Variants in TMEM132D observed in about 807,000 individuals in gnomAD.
TMEM132D encodes the protein transmembrane protein 132D, also known as mature OL transmembrane protein.
In TMEM132D, 21 loss-of-function variants were observed where a neutral mutation model predicts 62.3. The ratio of observed to expected loss-of-function variants is 0.34; its 90% CI spans 0.24 to 0.49. The LOEUF is 0.49. Among genes scored for constraint, TMEM132D ranks in the 20% least tolerant of loss-of-function variants. TMEM132D has a pLI of 0.99. For synonymous variants in TMEM132D, 621 were observed against 575.6 expected (o/e 1.08, Z -1.13); for missense variants, 1,346 against 1,402.8 (o/e 0.96, Z 0.65).
At chr12:129,144,249 A>T (rs1876827480) in intron 5 of TMEM132D, among the ~76,000 whole-genome samples, 1 of 152,068 alleles carries the variant, frequency 6.6e-6, no homozygotes, top group Non-Finnish European at 1.5e-5. Flanking sequence ...TGTGCTTGTC[A>T]CTCTGTGGTA....
rs114562196 is a variant in TMEM132D, at chr12:129,595,293, C to T, written c.969-64088G>A. On this transcript the variant is annotated intron_variant, in intron 2 of 8. Transcript: ENST00000422113. ...GTGGGAGGAACACAGATAGTGCATA[C>T]GTAGACAAGATGATTTGAAGAAATA... 5.3e-3 allele frequency among the ~76,000 whole-genome samples: 804 copies of T among 152,218 alleles called. 6 individuals carry two copies. Among genetic ancestry groups the T allele is most frequent in the African/African-American group, 0.018 (749 of 41,532 alleles).
rs1449972377 is a variant in TMEM132D, at chr12:129,244,365, G to T, written c.1300-34702C>A. ...CGCGCCACTGCACTCCAGCCTGGGC[G>T]ACAGAGCGAGACTCTGTCTCAAAAA... On this transcript the variant is annotated intron_variant, in intron 4 of 8. Coordinates refer to ENST00000422113, the MANE Select transcript of TMEM132D (RefSeq NM_133448.3). 1.6e-5 allele frequency among the ~76,000 whole-genome samples: 2 copies of T among 128,974 alleles called. 1 individual carries two copies. The highest frequency in any genetic ancestry group is 1.7e-4 in the Admixed American group (2 of 11,628). 84.6% of individuals were successfully genotyped at this position (128,974 alleles called of 152,430 possible). A position where few individuals can be genotyped will look rare whatever the true frequency, so the allele number is the denominator to read the frequency against.
chr12:129,524,485 T>C (rs1875951594), intron 3 of TMEM132D, among the ~76,000 whole-genome samples: 2 of 152,180 alleles, frequency 1.3e-5, no homozygotes, highest in African/African-American at 2.4e-5. Context: ...AATTGCTGCA[T>C]AAAATTTATT....
intron 4 of TMEM132D, among the ~76,000 whole-genome samples, chr12:129,289,670 T>C (rs951958421): frequency 2.6e-5 from 4 of 151,696 alleles, no homozygotes; most frequent in African/African-American, 9.7e-5. Flanking sequence ...CACAAAAAAA[T>C]TAACCAAACT....
chr12:129,795,355 T>C (rs1871532761), intron 1 of TMEM132D, among the ~76,000 whole-genome samples: 1 of 152,188 alleles, frequency 6.6e-6, no homozygotes, highest in South Asian at 2.1e-4. Flanking sequence ...AGCTGCATCT[T>C]CTCACCTGGG....
rs547044786 is a variant in TMEM132D, at chr12:129,556,349, G to A, written c.969-25144C>T. ...CCCACCTGACACCTGGATCGGCACC[G>A]AGCAGAGGCAGGTCCCGAAGACTCT... On this transcript the variant is annotated intron_variant, in intron 2 of 8. Transcript: ENST00000422113. 6.6e-5 allele frequency among the ~76,000 whole-genome samples: 10 copies of A among 152,234 alleles called. No homozygotes were observed. The East Asian group carries it at 9.7e-4, about 15-fold the overall frequency.
At chr12:129,370,173 A>T (rs1344865523) in intron 3 of TMEM132D, among the ~76,000 whole-genome samples, 3 of 152,218 alleles carry the variant, frequency 2.0e-5, no homozygotes, top group African/African-American at 7.2e-5. Context: ...AAATTTTCTT[A>T]AAAACACCAT....
intron 2 of TMEM132D, among the ~76,000 whole-genome samples, chr12:129,667,214 G>A (rs1398696092): frequency 6.6e-6 from 1 of 152,026 alleles, no homozygotes; most frequent in Non-Finnish European, 1.5e-5. Flanking sequence ...CTTACCTTAC[G>A]GTCAAACTAA....
intron 3 of TMEM132D, among the ~76,000 whole-genome samples, chr12:129,525,073 C>A (rs1457195551): frequency 6.7e-6 from 1 of 149,106 alleles, no homozygotes; most frequent in Non-Finnish European, 1.5e-5. Context: ...CTACAGGCGC[C>A]CGCCACCACA....
intron 1 of TMEM132D, among the ~76,000 whole-genome samples, chr12:129,873,433 C>T (rs892570750): frequency 1.3e-5 from 2 of 152,106 alleles, no homozygotes; most frequent in Non-Finnish European, 1.5e-5. Context: ...ACCAGACTGC[C>T]GTCGCCTACA....
At chr12:129,359,310 G>T (rs1371100929) in intron 3 of TMEM132D, among the ~76,000 whole-genome samples, 1 of 152,080 alleles carries the variant, frequency 6.6e-6, no homozygotes, top group Non-Finnish European at 1.5e-5. Context: ...TTCTGTTTGG[G>T]GTAATGAAAA....
chr12:129,142,474 T>G (rs1227001097), intron 5 of TMEM132D, among the ~76,000 whole-genome samples: 1 of 152,242 alleles, frequency 6.6e-6, no homozygotes, highest in African/African-American at 2.4e-5. Flanking sequence ...GTGTGTTCTG[T>G]CTGCTTGTTA....
In TMEM132D at chr12:129,899,328, GATGGA is replaced by G. The variant is rs964634193; in HGVS notation, c.79+3928_79+3932del. 1.0e-4 allele frequency among the ~76,000 whole-genome samples: 14 copies of G among 134,960 alleles called. 2 individuals are homozygous for G. Among genetic ancestry groups the G allele is most frequent in the Non-Finnish European group, 1.6e-4 (10 of 63,692 alleles). The allele number at this position is 134,960 out of a possible 152,430, so 88.5% of individuals were successfully genotyped here. On this transcript the variant is annotated intron_variant, in intron 1 of 8. Transcript: ENST00000422113. ...GCATGGATGGATGGATGGATGGATG[GATGGA>G]TGGATGGATGATGGATGGAGGGATG... is the stretch of plus-strand genomic sequence containing the variant.
chr12:129,789,549 T>C (rs1251001049), intron 1 of TMEM132D, among the ~76,000 whole-genome samples: 1 of 152,234 alleles, frequency 6.6e-6, no homozygotes, highest in Admixed American at 6.5e-5. Flanking sequence ...ACTACTCAGC[T>C]ATAAATGAAG....
intron 2 of TMEM132D, among the ~76,000 whole-genome samples, chr12:129,590,854 G>T (rs890693760): frequency 6.6e-6 from 1 of 152,212 alleles, no homozygotes; most frequent in East Asian, 1.9e-4. Flanking sequence ...CCCTTGTCAT[G>T]GTCCAATTTG....
intron 3 of TMEM132D, among the ~76,000 whole-genome samples, chr12:129,528,242 C>T (rs1268423594): frequency 6.6e-6 from 1 of 152,216 alleles, no homozygotes. Flanking sequence ...AAACACATCT[C>T]ATCGCAGTCC....
At chr12:129,390,944 A>G (rs12814263) in intron 3 of TMEM132D, among the ~76,000 whole-genome samples, 35,572 of 152,146 alleles carry the variant, frequency 0.23, 4,339 homozygotes, top group Non-Finnish European at 0.27. Flanking sequence ...CCTCCCTCAC[A>G]GGATTTGTGA....
At position 129,774,552 on chromosome 12, in the gene TMEM132D, T is replaced by C. The variant is rs75157731; in HGVS notation, c.80-73854A>G. 8.9e-3 allele frequency among the ~76,000 whole-genome samples: 1,363 copies of C among 152,316 alleles called. 46 individuals carry two copies. The highest frequency in any genetic ancestry group is 0.049 in the Admixed American group (751 of 15,300). ...ATGGGGCAGTAAATACCAGAGATCA[T>C]TGGTAACAGTGAGGGAGCCAACTGT... On this transcript the variant is annotated intron_variant, in intron 1 of 8. Transcript: ENST00000422113.
At chr12:129,441,669 C>T (rs1324145683) in intron 3 of TMEM132D, among the ~76,000 whole-genome samples, 1 of 152,116 alleles carries the variant, frequency 6.6e-6, no homozygotes, top group Admixed American at 6.5e-5. Flanking sequence ...GTTGTTCTAC[C>T]AAAAAGAGCC....
Sources: gnomAD v4.1 joint callset for allele counts (sites outside exome capture counted in the v4.1 genomes callset) on GRCh38, gnomAD v4.1.1 for gene constraint, MANE v1.5 for transcripts, NCBI Gene and HGNC (gene_info 2026-07-23, HGNC 2026-07-21) for gene names.